The following TRIM69 variants were observed in gnomAD, a reference collection of about 807,000 sequenced individuals.
The protein encoded by TRIM69 is E3 ubiquitin-protein ligase TRIM69.
A neutral mutation model predicts 37.7 loss-of-function variants in TRIM69; 29 were observed. The observed-to-expected ratio is 0.77, with a 90% CI of 0.57 to 1.05. The LOEUF (loss-of-function observed/expected upper bound fraction) is 1.05. Among genes scored for constraint, TRIM69 ranks in the 50% least tolerant of loss-of-function variants. The pLI is 0.00. For missense variants in TRIM69, 596 were observed against 579.9 expected, an observed-to-expected ratio of 1.03 and a Z score of -0.28; for synonymous variants, 209 against 212.4, an observed-to-expected ratio of 0.98 and a Z score of 0.14.
chr15:44,753,195 A>AT (rs2087571536), intron 1 of TRIM69: 1 of 152,070 alleles, frequency 6.6e-6, no homozygotes, highest in East Asian at 1.9e-4. Flanking sequence ...ATCTACTAGC[A>AT]TTTTTTGTAG....
intron 6 of TRIM69, among the ~76,000 whole-genome samples, chr15:44,762,202 G>A (rs1437922422): frequency 4.6e-5 from 7 of 152,192 alleles, no homozygotes; most frequent in Non-Finnish European, 8.8e-5. Context: ...ACCTGACCTC[G>A]TGATCTGCCC....
At chr15:44,747,700 C>A (rs1227672354) in intron 1 of TRIM69, among the ~76,000 whole-genome samples, 1 of 152,014 alleles carries the variant, frequency 6.6e-6, no homozygotes, top group African/African-American at 2.4e-5. Flanking sequence ...CAGGCATCAG[C>A]AATAGGGAAC....
At chr15:44,764,960 T>C (rs571834061) in intron 6 of TRIM69, among the ~76,000 whole-genome samples, 52 of 152,292 alleles carry the variant, frequency 3.4e-4, no homozygotes, top group Non-Finnish European at 6.8e-4. Flanking sequence ...TTTTCCTCTA[T>C]AAGGACTCTG....
At chr15:44,745,601 C>T (rs1027653091) in intron 1 of TRIM69, among the ~76,000 whole-genome samples, 2 of 151,994 alleles carry the variant, frequency 1.3e-5, no homozygotes, top group African/African-American at 2.4e-5. Context: ...GATTTTATAT[C>T]AATTATTTTA....
chr15:44,753,977 A>G (rs1328401240), intron 1 of TRIM69: 1 of 152,148 alleles, frequency 6.6e-6, no homozygotes, highest in African/African-American at 2.4e-5. Context: ...CGGCACCCCA[A>G]AGTATTGGGA....
At chr15:44,746,234 A>C (rs1356360815) in intron 1 of TRIM69, among the ~76,000 whole-genome samples, 1 of 152,232 alleles carries the variant, frequency 6.6e-6, no homozygotes, top group Non-Finnish European at 1.5e-5. Flanking sequence ...TGAATAATCC[A>C]CAAAGAATTT....
At chr15:44,740,205 G>T (rs2087251215) in intron 1 of TRIM69, among the ~76,000 whole-genome samples, 1 of 152,174 alleles carries the variant, frequency 6.6e-6, no homozygotes, top group Non-Finnish European at 1.5e-5. Flanking sequence ...AAACAGAAAG[G>T]ACATCCATAC....
intron 1 of TRIM69, among the ~76,000 whole-genome samples, chr15:44,742,777 A>G (rs1032330553): frequency 6.7e-6 from 1 of 149,370 alleles, no homozygotes; most frequent in African/African-American, 2.5e-5. Context: ...TGACCTCTTC[A>G]AGGAGAACTA....
At chr15:44,743,602 TCAAA>T (rs2087339609) in intron 1 of TRIM69, among the ~76,000 whole-genome samples, 1 of 151,948 alleles carries the variant, frequency 6.6e-6, no homozygotes, top group Non-Finnish European at 1.5e-5. Context: ...TACAATGAAC[TCAAA>T]CAAATTTACA....
chr15:44,765,060 C>T (rs2087857488), intron 6 of TRIM69, among the ~76,000 whole-genome samples: 1 of 152,030 alleles, frequency 6.6e-6, no homozygotes, highest in Admixed American at 6.6e-5. Flanking sequence ...GAATAGGGTG[C>T]AGATGGGCAA....
chr15:44,739,720 A>G (rs1226073480), intron 1 of TRIM69, among the ~76,000 whole-genome samples: 2 of 151,994 alleles, frequency 1.3e-5, no homozygotes, highest in South Asian at 2.1e-4. Flanking sequence ...TAAACAAAGC[A>G]GCCGGGAAGC....
In TRIM69 at chr15:44,759,674, C is replaced by A; in HGVS notation, c.836+12C>A. On this transcript the variant is annotated intron_variant, in intron 5 of 6. Coordinates refer to ENST00000329464, the MANE Select transcript of TRIM69 (RefSeq NM_182985.5). ...ACTCTCTTACATAGGTAAGTGTTTC[C>A]CTATGGTACTATTAATATCATTCCT... The A allele has an allele frequency of 6.2e-7, 1 of 1,613,962 alleles. No homozygotes were observed. The highest frequency in any genetic ancestry group is 8.5e-7 in the Non-Finnish European group (1 of 1,179,968).
chr15:44,739,618 C>T (rs1043894132), intron 1 of TRIM69, among the ~76,000 whole-genome samples: 6 of 152,172 alleles, frequency 3.9e-5, no homozygotes, highest in African/African-American at 1.2e-4. Context: ...CATGGAGTCT[C>T]GCTGATTGCT....
intron 2 of TRIM69, among the ~76,000 whole-genome samples, chr15:44,755,808 A>G (rs1423616166): frequency 1.3e-5 from 2 of 152,196 alleles, no homozygotes; most frequent in South Asian, 2.1e-4. Flanking sequence ...ACTATTAGAG[A>G]AAAATGAAAT....
intron 6 of TRIM69, among the ~76,000 whole-genome samples, chr15:44,766,099 T>C (rs753608098): frequency 2.6e-5 from 4 of 152,208 alleles, no homozygotes; most frequent in African/African-American, 4.8e-5. Flanking sequence ...AAAATCTCAA[T>C]CTGTCATGGA....
At position 44,767,472 on chromosome 15, in the gene TRIM69, G is replaced by A. The variant is rs771107700; in HGVS notation, c.1203G>A (p.Arg401=). The change falls in exon 7 of 7, where the codon CGG becomes CGA. Residue 401 remains arginine (R), a synonymous_variant. Coordinates refer to ENST00000329464, the MANE Select transcript of TRIM69 (RefSeq NM_182985.5). ...GAGTTGTCAGAGAATCCATCATTCG[G>A]AAGGGCAGCTGTCCTCTAACTCCTG... ...TVGVVRESII[R]KGSCPLTPEQ... 5 of 1,614,082 alleles carry A rather than the reference G, an allele frequency of 3.1e-6. No individual in the cohort carries two copies. Among genetic ancestry groups the A allele is most frequent in the Admixed American group, 3.3e-5 (2 of 59,998 alleles).
chr15:44,748,357 G>A (rs989939566), intron 1 of TRIM69, among the ~76,000 whole-genome samples: 5 of 152,094 alleles, frequency 3.3e-5, no homozygotes, highest in African/African-American at 1.2e-4. Flanking sequence ...CAGGAAGTAT[G>A]GGCATAGAAA....
chr15:44,765,673 G>C (rs1013713863), intron 6 of TRIM69, among the ~76,000 whole-genome samples: 18 of 151,866 alleles, frequency 1.2e-4, no homozygotes, highest in Non-Finnish European at 2.4e-4. Flanking sequence ...AGAATTGCTT[G>C]AACCCAGGAG....
chr15:44,748,970 G>A (rs1263624998), intron 1 of TRIM69, among the ~76,000 whole-genome samples: 2 of 151,776 alleles, frequency 1.3e-5, no homozygotes, highest in South Asian at 4.2e-4. Flanking sequence ...AGCCTTAACA[G>A]TCCAGGTTCA....
Sources: gnomAD v4.1 joint callset for allele counts (sites outside exome capture counted in the v4.1 genomes callset) on GRCh38, gnomAD v4.1.1 for gene constraint, MANE v1.5 for transcripts, NCBI Gene and HGNC (gene_info 2026-07-23, HGNC 2026-07-21) for gene names.